The following CADM2 variants were observed in gnomAD, a reference collection of about 807,000 sequenced individuals.
CADM2 encodes cell adhesion molecule 2, also known as immunoglobulin superfamily member 4D.
Under a neutral mutation model 49.8 loss-of-function variants are expected in CADM2, and 12 were observed. The ratio of observed to expected loss-of-function variants is 0.24; its 90% CI spans 0.15 to 0.39. The LOEUF is 0.39. CADM2 is among the 10% of genes least tolerant of loss of function. The probability of loss-of-function intolerance (pLI) is 1.00; values close to 1 mark genes in which losing one functional copy is unlikely to be tolerated. For synonymous variants in CADM2, 214 were observed against 175.4 expected (o/e 1.22, Z -1.74); for missense variants, 378 against 492.3 (o/e 0.77, Z 2.20).
chr3:85,764,015 T>C (rs1011810210), intron 2 of CADM2, among the ~76,000 whole-genome samples: 1 of 152,110 alleles, frequency 6.6e-6, no homozygotes, highest in African/African-American at 2.4e-5. Flanking sequence ...TTATAATTTA[T>C]AAAATGAACA....
At chr3:85,212,905 G>T in intron 1 of CADM2, among the ~76,000 whole-genome samples, 1 of 94,098 alleles carries the variant, frequency 1.1e-5, no homozygotes, top group African/African-American at 3.8e-5. Context: ...TCTTTTAATG[G>T]AGTCTCACAC....
chr3:85,633,768 C>A (rs2064379917), intron 1 of CADM2, among the ~76,000 whole-genome samples: 1 of 151,884 alleles, frequency 6.6e-6, no homozygotes, highest in African/African-American at 2.4e-5. Context: ...TAAAATATTC[C>A]TTTCAAAGAA....
chr3:85,014,169 G>A (rs529807145), intron 1 of CADM2, among the ~76,000 whole-genome samples: 59 of 142,014 alleles, frequency 4.2e-4, no homozygotes, highest in Non-Finnish European at 6.0e-4. Flanking sequence ...TTATATATAC[G>A]CAGTGTAATA....
At chr3:84,972,717 C>T (rs2031544014) in intron 1 of CADM2, among the ~76,000 whole-genome samples, 2 of 152,170 alleles carry the variant, frequency 1.3e-5, no homozygotes, top group Non-Finnish European at 1.5e-5. Flanking sequence ...TTTTCTGAAG[C>T]ATAACTTATT....
chr3:85,859,733 T>A (rs923753495), intron 3 of CADM2, among the ~76,000 whole-genome samples: 2 of 152,244 alleles, frequency 1.3e-5, no homozygotes, highest in Non-Finnish European at 2.9e-5. Context: ...AGTACCTACC[T>A]GTATTAATTG....
intron 1 of CADM2, among the ~76,000 whole-genome samples, chr3:85,317,620 C>A (rs73845429): frequency 2.4e-3 from 371 of 152,280 alleles, no homozygotes; most frequent in African/African-American, 7.7e-3. Flanking sequence ...CACTGTTTCT[C>A]ACAGGGCAGA....
intron 1 of CADM2, among the ~76,000 whole-genome samples, chr3:85,059,766 C>A (rs1345472929): frequency 6.6e-6 from 1 of 152,170 alleles, no homozygotes; most frequent in Admixed American, 6.5e-5. Flanking sequence ...TCTTCTGCCA[C>A]AATTGTGAGG....
At chr3:85,189,125 T>G (rs946275494) in intron 1 of CADM2, among the ~76,000 whole-genome samples, 1 of 151,612 alleles carries the variant, frequency 6.6e-6, no homozygotes, top group African/African-American at 2.4e-5. Context: ...GAAGTTTGCA[T>G]CTGTTGATAC....
rs565251718 is a variant in CADM2 at position 85,737,385 on chromosome 3, A to G, written c.88+10837A>G. ...CAAACAAAGCTCATGTAAAAACTGC[A>G]CACCTAAATTGTATATTCTAGTTGT... On this transcript the variant is annotated intron_variant, in intron 2 of 9. Coordinates refer to ENST00000383699, the MANE Select transcript of CADM2 (RefSeq NM_001167675.2). Among the ~76,000 whole-genome samples the G allele has an allele frequency of 5.3e-5, 8 of 152,296 alleles. No homozygotes were observed. In the East Asian group the frequency reaches 1.5e-3, roughly 29 times the overall value.
intron 1 of CADM2, among the ~76,000 whole-genome samples, chr3:85,497,818 ATCTG>A (rs902517706): frequency 2.0e-4 from 30 of 152,120 alleles, no homozygotes; most frequent in African/African-American, 5.8e-4. Flanking sequence ...AAAGCTATCT[ATCTG>A]TCTATCTATT....
intron 1 of CADM2, among the ~76,000 whole-genome samples, chr3:85,247,551 G>A (rs1434609245): frequency 6.6e-6 from 1 of 152,032 alleles, no homozygotes; most frequent in African/African-American, 2.4e-5. Context: ...TATCCAAAAT[G>A]ATATACTTCA....
intron 5 of CADM2, among the ~76,000 whole-genome samples, chr3:85,908,851 A>T (rs1480863602): frequency 6.6e-6 from 1 of 151,592 alleles, no homozygotes; most frequent in East Asian, 1.9e-4. Flanking sequence ...CAGCCTCCTG[A>T]GTAGCTGGGA....
At chr3:85,292,253 T>C (rs2043820735) in intron 1 of CADM2, among the ~76,000 whole-genome samples, 1 of 149,068 alleles carries the variant, frequency 6.7e-6, no homozygotes, top group Non-Finnish European at 1.5e-5. Context: ...CCTAAATATA[T>C]ATGCAACCAA....
At chr3:85,848,899 T>C (rs1184384102) in intron 3 of CADM2, among the ~76,000 whole-genome samples, 1 of 152,092 alleles carries the variant, frequency 6.6e-6, no homozygotes, top group Non-Finnish European at 1.5e-5. Context: ...GTATTACAGA[T>C]GAAAAAAATT....
At chr3:85,363,698 G>A (rs1162880845) in intron 1 of CADM2, among the ~76,000 whole-genome samples, 1 of 152,154 alleles carries the variant, frequency 6.6e-6, no homozygotes, top group East Asian at 1.9e-4. Context: ...TGCAAGCTCC[G>A]CCTTCTGGAT....
At chr3:85,622,945 T>C (rs2064020051) in intron 1 of CADM2, among the ~76,000 whole-genome samples, 1 of 152,142 alleles carries the variant, frequency 6.6e-6, no homozygotes, top group Non-Finnish European at 1.5e-5. Context: ...TGTCCACATG[T>C]ATCTCATTCT....
At chr3:85,056,813 T>C (rs1240487155) in intron 1 of CADM2, among the ~76,000 whole-genome samples, 1 of 152,078 alleles carries the variant, frequency 6.6e-6, no homozygotes, top group East Asian at 1.9e-4. Context: ...ACATTATACT[T>C]AGACAGGATA....
intron 3 of CADM2, among the ~76,000 whole-genome samples, chr3:85,809,334 T>C (rs2108114064): frequency 6.6e-6 from 1 of 152,228 alleles, no homozygotes; most frequent in Non-Finnish European, 1.5e-5. Flanking sequence ...CTCACACCTG[T>C]AATCCCAGCA....
At chr3:85,327,556 A>C (rs2044786511) in intron 1 of CADM2, among the ~76,000 whole-genome samples, 1 of 136,748 alleles carries the variant, frequency 7.3e-6, no homozygotes, top group Non-Finnish European at 1.6e-5. Context: ...ATGCCCGGCC[A>C]CACACACACA....
Sources: allele counts gnomAD v4.1 joint callset (sites outside exome capture counted in the v4.1 genomes callset), GRCh38; gene constraint gnomAD v4.1.1; transcripts MANE v1.5; gene names NCBI Gene and HGNC (gene_info 2026-07-23, HGNC 2026-07-21).